Variants in KLHDC4 observed in about 807,000 individuals in gnomAD.
KLHDC4 encodes kelch domain-containing protein 4.
A neutral mutation model predicts 62.4 loss-of-function variants in KLHDC4; 90 were observed. The observed-to-expected ratio is 1.44, with a 90% CI of 1.22 to 1.72. The LOEUF is 1.72. KLHDC4 is among the 40% of genes most tolerant of loss of function. The probability of loss-of-function intolerance (pLI) is 0.00; values close to 1 mark genes in which losing one functional copy is unlikely to be tolerated. For synonymous variants in KLHDC4, 386 were observed against 284.4 expected (o/e 1.36, Z -3.59); for missense variants, 1,025 against 699.7 (o/e 1.47, Z -5.25).
chr16:87,756,464 G>C lies in KLHDC4; in HGVS notation c.205C>G (p.Leu69Val), dbSNP rs142903352. The change falls in exon 3 of 12, where the codon CTC (leucine) becomes GTC (valine). Residue 69 changes from leucine to valine, a missense_variant. Transcript: ENST00000270583. ...TCATCTTTCTCAGGATGAACCGAGA[G>C]GGAGGCATTTAACCTACAAGACACA... ...PPPSPRLNASLSVHPEKDELI... is the reference protein window; with the variant it reads ...PPPSPRLNASVSVHPEKDELI... 3.6e-3 allele frequency: 5,820 copies of C among 1,613,696 alleles called. 21 individuals carry two copies. Among genetic ancestry groups the C allele is most frequent in the Non-Finnish European group, 4.3e-3 (5,115 of 1,179,680 alleles).
intron 5 of KLHDC4, among the ~76,000 whole-genome samples, chr16:87,745,845 T>C (rs369271224): frequency 3.3e-5 from 5 of 152,286 alleles, no homozygotes; most frequent in Non-Finnish European, 2.9e-5. Context: ...CTGCAGACCA[T>C]TTGTCACCGC....
chr16:87,734,623 A>G (rs1283851983), intron 5 of KLHDC4, among the ~76,000 whole-genome samples: 2 of 152,230 alleles, frequency 1.3e-5, no homozygotes, highest in Admixed American at 6.5e-5. Flanking sequence ...AATGTCAACC[A>G]GAAGCAATCA....
At chr16:87,764,947 AG>A (rs1299338663) in intron 1 of KLHDC4, 4 of 357,592 alleles carry the variant, frequency 1.1e-5, no homozygotes, top group Non-Finnish European at 2.2e-5. Flanking sequence ...AAAGGGACAA[AG>A]GACTGTGGTC....
intron 5 of KLHDC4, among the ~76,000 whole-genome samples, chr16:87,741,647 C>G (rs1412547898): frequency 4.6e-5 from 7 of 152,172 alleles, no homozygotes; most frequent in Admixed American, 4.6e-4. Flanking sequence ...ATTAACACAA[C>G]TCAAATCAGA....
In KLHDC4 at chr16:87,745,222, GCT is replaced by G. The variant is rs1377713330; in HGVS notation, c.506+3449_506+3450del. Among the ~76,000 whole-genome samples the G allele has an allele frequency of 3.3e-5, 5 of 152,214 alleles. No homozygotes were observed. In the East Asian group the frequency reaches 9.6e-4, roughly 29 times the overall value. On this transcript the variant is annotated intron_variant, in intron 5 of 11. Transcript: ENST00000270583. ...CCCTACACCCATATTGCCCAGCACT[GCT>G]CTCACAACACCCGCCCTGGGGCCGG...
intron 7 of KLHDC4, among the ~76,000 whole-genome samples, chr16:87,721,726 C>A (rs2038389891): frequency 6.6e-6 from 1 of 152,240 alleles, no homozygotes; most frequent in African/African-American, 2.4e-5. Flanking sequence ...CTGGCCTCTG[C>A]CAGCATGCTC....
At chr16:87,705,903 GCA>G (rs1306336455), downstream of KLHDC4, among the ~76,000 whole-genome samples, 3 of 152,242 alleles carry the variant, frequency 2.0e-5, no homozygotes, top group African/African-American at 7.2e-5. Flanking sequence ...TGATTGCCCA[GCA>G]CTCAGACAAA....
At chr16:87,710,899 A>C in intron 9 of KLHDC4, 2 of 248,898 alleles carry the variant, frequency 8.0e-6, no homozygotes, top group Non-Finnish European at 1.6e-5. Context: ...AAACCAGGGA[A>C]GCTCAAGGGT....
chr16:87,744,597 T>C (rs1175489649), intron 5 of KLHDC4, among the ~76,000 whole-genome samples: 1 of 141,916 alleles, frequency 7.0e-6, no homozygotes, highest in South Asian at 2.2e-4. Context: ...AAAAAAAAAA[T>C]AGAATTTGAA....
chr16:87,765,069 C>T, intron 1 of KLHDC4: 1 of 454,852 alleles, frequency 2.2e-6, no homozygotes, highest in Non-Finnish European at 4.4e-6. Flanking sequence ...AACTGACCTG[C>T]TCGTGAGGAG....
chr16:87,762,170 G>A, intron 1 of KLHDC4, 130 bp from the exon 2 acceptor site: 4 of 1,483,322 alleles, frequency 2.7e-6, no homozygotes, highest in Non-Finnish European at 3.6e-6. Context: ...GCAACATACT[G>A]TGCCTGTTTG....
At chr16:87,714,353 CGAAATGAGCCA>C in intron 8 of KLHDC4, 134 bp downstream of exon 8, 1 of 990,178 alleles carries the variant, frequency 1.0e-6, no homozygotes, top group Non-Finnish European at 1.3e-6. Context: ...CGGCCCACCC[CGAAATGAGCCA>C]TCTCGGCAGG....
chr16:87,718,461 A>C (rs935535723), intron 7 of KLHDC4, among the ~76,000 whole-genome samples: 1 of 148,022 alleles, frequency 6.8e-6, no homozygotes, highest in Non-Finnish European at 1.5e-5. Context: ...GCTCACTGCA[A>C]CCTCCCTGCC....
intron 7 of KLHDC4, among the ~76,000 whole-genome samples, chr16:87,722,280 T>C (rs2038530149): frequency 6.6e-6 from 1 of 152,182 alleles, no homozygotes; most frequent in Non-Finnish European, 1.5e-5. Flanking sequence ...GCGCAGAGCC[T>C]GGAGGGTGTT....
chr16:87,720,223 C>T (rs909088614), intron 7 of KLHDC4, among the ~76,000 whole-genome samples: 2 of 152,154 alleles, frequency 1.3e-5, no homozygotes, highest in African/African-American at 2.4e-5. Flanking sequence ...GGCCGGGGAG[C>T]GTTTGTGGGA....
chr16:87,699,452 G>A (rs2034039635), exon 1 of KLHDC4: 1 of 152,258 alleles, frequency 6.6e-6, no homozygotes, highest in African/African-American at 2.4e-5. Context: ...CCAGCACTTT[G>A]GGAGGCCAAG....
intron 5 of KLHDC4, among the ~76,000 whole-genome samples, chr16:87,741,892 C>A (rs34681991): frequency 6.6e-6 from 1 of 152,120 alleles, no homozygotes; most frequent in Non-Finnish European, 1.5e-5. Flanking sequence ...AAAATGAATG[C>A]GCAGTGCAGG....
At position 87,720,336 on chromosome 16, in the gene KLHDC4, G is replaced by A. The variant is rs115409780; in HGVS notation, c.760-5763C>T. Among the ~76,000 whole-genome samples, 124 of 152,290 alleles carry A rather than the reference G, an allele frequency of 8.1e-4. 1 individual carries two copies. The highest frequency in any genetic ancestry group is 2.7e-3 in the African/African-American group (112 of 41,538). On this transcript the variant is annotated intron_variant, in intron 7 of 11. Transcript: ENST00000270583. ...CAGGGATAGGGTGTCGGTTCCAAGC[G>A]GACGTGTGTGAACACAGAAACCATG...
chr16:87,740,257 A>G (rs1007064416), intron 5 of KLHDC4, among the ~76,000 whole-genome samples: 2 of 151,822 alleles, frequency 1.3e-5, no homozygotes, highest in African/African-American at 4.8e-5. Context: ...CTGAGGAGGG[A>G]AATGAGAGAG....
Sources: allele counts gnomAD v4.1 joint callset (sites outside exome capture counted in the v4.1 genomes callset), GRCh38; gene constraint gnomAD v4.1.1; transcripts MANE v1.5; gene names NCBI Gene and HGNC (gene_info 2026-07-23, HGNC 2026-07-21).